ZC3H12B: variants seen among roughly 807,000 people sequenced by gnomAD.
The protein encoded by ZC3H12B is zinc finger CCCH-type containing 12B, also known as probable ribonuclease ZC3H12B.
ZC3H12B carries 7 observed loss-of-function variants against 43.9 expected under a neutral mutation model. The ratio of observed to expected loss-of-function variants is 0.16; its 90% CI spans 0.09 to 0.30. The LOEUF (loss-of-function observed/expected upper bound fraction) is 0.30, where lower values mean the gene tolerates loss of function less well. ZC3H12B is among the 10% of genes least tolerant of loss of function. ZC3H12B has a pLI of 1.00. For missense variants in ZC3H12B, 475 were observed against 670.2 expected (o/e 0.71, Z 3.22); for synonymous variants, 222 against 241.7 (o/e 0.92, Z 0.76).
the ZC3H12B span, among the ~76,000 whole-genome samples, chrX:65,114,990 T>C: frequency 7.6e-5 from 8 of 105,556 alleles, no homozygotes; most frequent in African/African-American, 2.8e-4. Flanking sequence ...TAAAAAGTTT[T>C]AAAATTTTTG....
At chrX:65,378,281 G>C (rs1405795690) in intron 2 of ZC3H12B, among the ~76,000 whole-genome samples, 1 of 111,466 alleles carries the variant, frequency 9.0e-6, no homozygotes, top group East Asian at 2.8e-4. Context: ...ACTACAGTGA[G>C]ATATAAATAG....
chrX:65,391,880 C>T (rs2066621281), intron 2 of ZC3H12B, among the ~76,000 whole-genome samples: 1 of 111,265 alleles, frequency 9.0e-6, no homozygotes, highest in Non-Finnish European at 1.9e-5. Context: ...ATTCTCCTGC[C>T]TCAGCCTGCC....
chrX:65,294,442 T>C, the ZC3H12B span, among the ~76,000 whole-genome samples: 3 of 110,810 alleles, frequency 2.7e-5, no homozygotes, highest in African/African-American at 9.8e-5. Flanking sequence ...AACAATAACA[T>C]AATGACAAAA....
intron 2 of ZC3H12B, among the ~76,000 whole-genome samples, chrX:65,398,368 T>C (rs2066725441): frequency 8.9e-6 from 1 of 112,144 alleles, no homozygotes; most frequent in Admixed American, 9.5e-5. Flanking sequence ...GATTCCATAT[T>C]ATACTACAGA....
intron 3 of ZC3H12B, among the ~76,000 whole-genome samples, chrX:65,405,958 C>G (rs1258638100): frequency 9.0e-6 from 1 of 111,168 alleles, no homozygotes; most frequent in African/African-American, 3.3e-5. Context: ...AAATCCAAAA[C>G]CTGAACAGAC....
chrX:65,206,951 G>A, the ZC3H12B span, among the ~76,000 whole-genome samples: 1 of 108,776 alleles, frequency 9.2e-6, no homozygotes, highest in East Asian at 2.9e-4. Context: ...CAAAACCACA[G>A]TATGATACCA....
At chrX:65,202,074 T>TTTCTATA in the ZC3H12B span, among the ~76,000 whole-genome samples, 6 of 64,180 alleles carry the variant, frequency 9.3e-5, no homozygotes, top group African/African-American at 2.9e-3. Flanking sequence ...ATATATATAT[T>TTTCTATA]ACATATAATA....
chrX:65,297,343 G>A, the ZC3H12B span, among the ~76,000 whole-genome samples: 4 of 110,898 alleles, frequency 3.6e-5, no homozygotes, highest in African/African-American at 1.3e-4. Context: ...TAGCATTGCT[G>A]TACACCAAGA....
chrX:65,412,215 T>C (rs896939523), intron 3 of ZC3H12B, among the ~76,000 whole-genome samples: 2 of 111,971 alleles, frequency 1.8e-5, no homozygotes, highest in Non-Finnish European at 3.8e-5. Context: ...CTATTCTGAA[T>C]GTTTCATGTA....
chrX:65,100,762 A>T, the ZC3H12B span, among the ~76,000 whole-genome samples: 5 of 109,697 alleles, frequency 4.6e-5, no homozygotes, highest in Admixed American at 4.9e-4. Context: ...AAGTTCATAG[A>T]GACCTACAAA....
chrX:65,457,522 G>A (rs1174721790), intron 3 of ZC3H12B, among the ~76,000 whole-genome samples: 1 of 90,777 alleles, frequency 1.1e-5, no homozygotes, highest in Admixed American at 1.1e-4. Context: ...CTACTGGGAA[G>A]TGGGGAGCCC....
intron 3 of ZC3H12B, among the ~76,000 whole-genome samples, chrX:65,466,074 A>G (rs2067813892): frequency 9.0e-6 from 1 of 110,504 alleles, no homozygotes; most frequent in South Asian, 3.8e-4. Flanking sequence ...AACTATAGTG[A>G]TATTGTTGTA....
chrX:65,432,759 C>G, intron 3 of ZC3H12B, among the ~76,000 whole-genome samples: 1 of 112,279 alleles, frequency 8.9e-6, no homozygotes, highest in Non-Finnish European at 1.9e-5. Context: ...CCTCACACCA[C>G]TGGACCCCAA....
At chrX:65,443,810 G>A (rs1044722154) in intron 3 of ZC3H12B, among the ~76,000 whole-genome samples, 2 of 112,541 alleles carry the variant, frequency 1.8e-5, no homozygotes, top group Non-Finnish European at 3.8e-5. Context: ...CAGTTTTGGG[G>A]CCAGTTTATG....
chrX:65,170,354 T>C, the ZC3H12B span, among the ~76,000 whole-genome samples: 1 of 112,162 alleles, frequency 8.9e-6, no homozygotes, highest in African/African-American at 3.2e-5. Context: ...GATTGTTGAA[T>C]ATTTGCCCCC....
the ZC3H12B span, among the ~76,000 whole-genome samples, chrX:65,332,780 C>A: frequency 9.0e-6 from 1 of 111,596 alleles, no homozygotes; most frequent in Admixed American, 9.5e-5. Flanking sequence ...AACATAATAT[C>A]TGTTATTAGA....
At chrX:65,476,372 A>C (rs886571356) in intron 3 of ZC3H12B, among the ~76,000 whole-genome samples, 1 of 111,674 alleles carries the variant, frequency 9.0e-6, no homozygotes, top group African/African-American at 3.3e-5. Flanking sequence ...TACTTGATCA[A>C]TTTTGTTGTT....
At chrX:65,372,567 G>A (rs1293115268) in intron 2 of ZC3H12B, among the ~76,000 whole-genome samples, 1 of 100,958 alleles carries the variant, frequency 9.9e-6, no homozygotes, top group African/African-American at 3.7e-5. Flanking sequence ...ATTTGAATGC[G>A]GACATATTTT....
intron 3 of ZC3H12B, among the ~76,000 whole-genome samples, chrX:65,474,670 G>A (rs190769735): frequency 1.6e-3 from 180 of 110,641 alleles, no homozygotes; most frequent in African/African-American, 5.6e-3. Flanking sequence ...GAGTGCAGTG[G>A]CACAATCTCA....
Sources: allele counts gnomAD v4.1 joint callset (sites outside exome capture counted in the v4.1 genomes callset), GRCh38; gene constraint gnomAD v4.1.1; transcripts MANE v1.5; gene names NCBI Gene and HGNC (gene_info 2026-07-23, HGNC 2026-07-21).